The following MTMR9 variants were observed in gnomAD, a reference collection of about 807,000 sequenced individuals.
The protein encoded by MTMR9 is myotubularin-related protein 9.
MTMR9 carries 39 observed loss-of-function variants against 69.5 expected under a neutral mutation model. The observed-to-expected ratio is 0.56, with a 90% CI of 0.43 to 0.73. MTMR9 has a LOEUF of 0.73. MTMR9 is among the 30% of genes least tolerant of loss of function. The pLI, the probability that MTMR9 is intolerant of heterozygous loss-of-function variation, is 0.00. For missense variants in MTMR9, 900 were observed against 671.2 expected (o/e 1.34, Z -3.77); for synonymous variants, 354 against 240.8 (o/e 1.47, Z -4.35).
rs1167927059 is a variant in MTMR9 at position 11,299,974 on chromosome 8, T to G, written c.292-49T>G. The G allele has an allele frequency of 4.4e-6, 7 of 1,588,612 alleles. No individual in the cohort carries two copies. The African/African-American group carries it at 6.8e-5, about 15-fold the overall frequency. The stretch of plus-strand genomic sequence containing the variant: ...ACTAATTTGTCAGTTAGAATATGTT[T>G]CCAGTTGTGGATGTTTCTTTTTTGT... On this transcript the variant is annotated intron_variant, in intron 2 of 9. Transcript: ENST00000221086.
chr8:11,285,019 A>G lies in MTMR9; in HGVS notation c.131A>G (p.Asn44Ser), dbSNP rs1289750057. 1.9e-5 allele frequency: 30 copies of G among 1,613,020 alleles called. No individual in the cohort carries two copies. The highest frequency in any genetic ancestry group is 3.3e-5 in the South Asian group (3 of 90,858). ...TTGATCCTGTCCTCCCGGCAGGACA[A>G]TACGGAGGAGCTGTGGCTCCTCCAT... ...HHLILSSRQDNTEELWLLHSN... is the reference protein window; with the variant it reads ...HHLILSSRQDSTEELWLLHSN... Residue 44 changes from asparagine (N) to serine (S), a missense_variant, in exon 1 of 10, where the codon AAT (asparagine) becomes AGT (serine). Transcript: ENST00000221086.
At chr8:11,312,083 C>T (rs1800223084) in intron 6 of MTMR9, among the ~76,000 whole-genome samples, 1 of 152,248 alleles carries the variant, frequency 6.6e-6, no homozygotes, top group Non-Finnish European at 1.5e-5. Flanking sequence ...CTTGCTCTGT[C>T]ACCCAGGCTG....
At chr8:11,289,077 C>A (rs959006306) in intron 1 of MTMR9, among the ~76,000 whole-genome samples, 1 of 152,088 alleles carries the variant, frequency 6.6e-6, no homozygotes, top group Non-Finnish European at 1.5e-5. Flanking sequence ...GAGGCTGAGG[C>A]AGGAGAATCA....
At chr8:11,320,001 A>G (rs1452367245) in intron 9 of MTMR9, 163 bp downstream of exon 9, 1 of 579,420 alleles carries the variant, frequency 1.7e-6, no homozygotes, top group Non-Finnish European at 2.8e-6. Context: ...CTTTCAAATC[A>G]GTTATCTAGC....
At chr8:11,285,232 C>T in intron 1 of MTMR9, 162 bp downstream of exon 1, 1 of 642,018 alleles carries the variant, frequency 1.6e-6, no homozygotes, top group South Asian at 2.2e-5. Flanking sequence ...GAAACCCGTC[C>T]AGATGGAGGA....
chr8:11,311,278 A>G (rs745451878), intron 6 of MTMR9, among the ~76,000 whole-genome samples: 40 of 152,236 alleles, frequency 2.6e-4, no homozygotes, highest in Non-Finnish European at 2.4e-4. Flanking sequence ...TCAACAGAAG[A>G]CAAAAAGCTA....
chr8:11,289,005 C>T (rs1585105717), intron 1 of MTMR9, among the ~76,000 whole-genome samples: 1 of 152,112 alleles, frequency 6.6e-6, no homozygotes, highest in Admixed American at 6.5e-5. Flanking sequence ...AACCTCATCT[C>T]TACTGAAAAT....
chr8:11,322,555 T>C, intron 9 of MTMR9, 70 bp from the exon 10 acceptor site: 1 of 1,291,630 alleles, frequency 7.7e-7, no homozygotes, highest in Non-Finnish European at 1.1e-6. Flanking sequence ...TTACATCTTA[T>C]CCACAAATGT....
rs1800775417 is a variant in MTMR9 at position 11,323,204 on chromosome 8, C to CT, written c.*417dup. On this transcript the variant is annotated 3_prime_UTR_variant, in exon 10 of 10. Coordinates refer to ENST00000221086, the MANE Select transcript of MTMR9 (RefSeq NM_015458.4). The stretch of plus-strand genomic sequence containing the variant: ...AAAAAGGGTCAGACTTTTAAACACT[C>CT]TGACCATAGAAATGTTTTTCAAAAT... 1 of 152,768 alleles carries CT rather than the reference C, an allele frequency of 6.5e-6. No homozygotes were observed. The highest frequency in any genetic ancestry group is 2.1e-4 in the South Asian group (1 of 4,830). 9.5% of individuals were successfully genotyped at this position (152,768 alleles called of 1,614,324 possible).
At chr8:11,339,073 G>T in the MTMR9 span, among the ~76,000 whole-genome samples, 1 of 152,216 alleles carries the variant, frequency 6.6e-6, no homozygotes, top group Non-Finnish European at 1.5e-5. Flanking sequence ...CAGTGGCAGA[G>T]ATTAGCACCA....
chr8:11,327,402 A>G lies in MTMR9; in HGVS notation c.*4614A>G, dbSNP rs774833080. 21 of 152,210 alleles carry G rather than the reference A, an allele frequency of 1.4e-4. No individual in the cohort carries two copies. The highest frequency in any genetic ancestry group is 2.1e-4 in the Non-Finnish European group (14 of 68,038). The allele number at this position is 152,210 out of a possible 1,614,324, so 9.4% of individuals were successfully genotyped here. A position where few individuals can be genotyped will look rare whatever the true frequency, so the allele number is the denominator to read the frequency against. On this transcript the variant is annotated 3_prime_UTR_variant, in exon 10 of 10. Transcript: ENST00000221086. ...CCGTCTGCAGGTCTAAGGATTAACT[A>G]TATTTGTGATTTGTAATAAAACTGA...
intron 1 of MTMR9, among the ~76,000 whole-genome samples, chr8:11,288,357 T>C (rs961704827): frequency 5.0e-5 from 7 of 141,044 alleles, no homozygotes; most frequent in Non-Finnish European, 9.1e-5. Flanking sequence ...TATATATATA[T>C]AATATATATA....
At position 11,323,490 on chromosome 8, in the gene MTMR9, A is replaced by T. The variant is rs922972653; in HGVS notation, c.*702A>T. On this transcript the variant is annotated 3_prime_UTR_variant, in exon 10 of 10. Transcript: ENST00000221086. ...ACACTAAAAGTATGTGCAATATACA[A>T]TTAAAGTAGGAATTTGTTACTGATT... is the stretch of plus-strand genomic sequence containing the variant. 6.6e-6 allele frequency: 1 copy of T among 152,278 alleles called. No individual in the cohort carries two copies. The highest frequency in any genetic ancestry group is 1.5e-5 in the Non-Finnish European group (1 of 68,044). The allele number at this position is 152,278 out of a possible 1,614,324, so 9.4% of individuals were successfully genotyped here. A position where few individuals can be genotyped will look rare whatever the true frequency, so the allele number is the denominator to read the frequency against.
At chr8:11,290,849 G>C (rs563775736) in intron 1 of MTMR9, among the ~76,000 whole-genome samples, 3 of 146,742 alleles carry the variant, frequency 2.0e-5, no homozygotes, top group East Asian at 4.0e-4. Context: ...GATAGTGCTA[G>C]TTGCCCCGCT....
rs1389730924 is a variant in MTMR9 at position 11,319,734 on chromosome 8, T to C, written c.1382T>C (p.Val461Ala). ...QQKTMSLWSW[V>A]NQPSELSKFT... ...AAGACGATGTCTTTGTGGTCCTGGG[T>C]TAATCAGCCCAGTGAGCTGAGTAAA... Residue 461 changes from valine (V) to alanine (A), a missense_variant, in exon 9 of 10, where the codon GTT (valine) becomes GCT (alanine). Physicochemically the swap from Val to Ala is moderately conservative, Grantham distance 64 (BLOSUM62 0). Transcript: ENST00000221086. 12 of 1,614,158 alleles carry C rather than the reference T, an allele frequency of 7.4e-6. No individual in the cohort carries two copies. Among genetic ancestry groups the C allele is most frequent in the Non-Finnish European group, 8.5e-6 (10 of 1,180,000 alleles).
At chr8:11,297,761 T>C in intron 2 of MTMR9, 1 of 400,104 alleles carries the variant, frequency 2.5e-6, no homozygotes, top group South Asian at 1.8e-5. Context: ...ACTGACTCAT[T>C]ATATAAAAGC....
At chr8:11,309,207 T>G (rs1351890485) in intron 5 of MTMR9, among the ~76,000 whole-genome samples, 1 of 152,072 alleles carries the variant, frequency 6.6e-6, no homozygotes, top group East Asian at 1.9e-4. Flanking sequence ...ATTGCAAATG[T>G]AAGTGGTGCT....
chr8:11,331,203 C>G (rs776998704), downstream of MTMR9: 9 of 1,613,862 alleles, frequency 5.6e-6, no homozygotes, highest in Non-Finnish European at 6.8e-6. Context: ...GCGCTGCCAG[C>G]CCTCTGGTGC....
chr8:11,322,445 A>G (rs755130462), intron 9 of MTMR9, among the ~76,000 whole-genome samples, 180 bp from the exon 10 acceptor site: 5 of 152,232 alleles, frequency 3.3e-5, no homozygotes, highest in Non-Finnish European at 4.4e-5. Flanking sequence ...ATTCAATTGC[A>G]TCCTTTTCAG....
Sources: allele counts gnomAD v4.1 joint callset (sites outside exome capture counted in the v4.1 genomes callset), GRCh38; gene constraint gnomAD v4.1.1; transcripts MANE v1.5; gene names NCBI Gene and HGNC (gene_info 2026-07-23, HGNC 2026-07-21).